Variants in KAZN observed in about 807,000 individuals in gnomAD.
The protein encoded by KAZN is kazrin, periplakin interacting protein.
A neutral mutation model predicts 87.4 loss-of-function variants in KAZN; 40 were observed. That is an observed-to-expected ratio of 0.46 (90% CI 0.36 to 0.60). The LOEUF (loss-of-function observed/expected upper bound fraction) is 0.60. KAZN is among the 20% of genes least tolerant of loss of function. The pLI is 0.00. For synonymous variants in KAZN, 466 were observed against 458.3 expected, an observed-to-expected ratio of 1.02 and a Z score of -0.22; for missense variants, 898 against 1,073.9, an observed-to-expected ratio of 0.84 and a Z score of 2.29.
At chr1:14,487,092 G>A (rs933088333) in intron 2 of KAZN, among the ~76,000 whole-genome samples, 10 of 152,094 alleles carry the variant, frequency 6.6e-5, no homozygotes, top group African/African-American at 2.4e-4. Context: ...TTCCTGGCAC[G>A]TTAGGACACT....
intron 1 of KAZN, among the ~76,000 whole-genome samples, chr1:14,813,531 C>T (rs1426931644): frequency 8.5e-5 from 13 of 152,186 alleles, no homozygotes; most frequent in African/African-American, 1.9e-4. Flanking sequence ...TTCCCATTTG[C>T]GACCCCTCGG....
chr1:14,835,569 C>T (rs1647208756), intron 1 of KAZN, among the ~76,000 whole-genome samples: 1 of 152,132 alleles, frequency 6.6e-6, no homozygotes, highest in Non-Finnish European at 1.5e-5. Context: ...CGGGAGGAAA[C>T]TGAAGCGCGG....
chr1:14,537,022 C>T (rs145383690), intron 2 of KAZN, among the ~76,000 whole-genome samples: 170 of 152,334 alleles, frequency 1.1e-3, no homozygotes, highest in Non-Finnish European at 2.0e-3. Context: ...TGGCACCTGA[C>T]TTGTTCTGTG....
At chr1:14,036,367 T>A (rs1384233915) in intron 1 of KAZN, among the ~76,000 whole-genome samples, 7 of 152,170 alleles carry the variant, frequency 4.6e-5, no homozygotes, top group Non-Finnish European at 1.0e-4. Context: ...AATGCCTCAG[T>A]GAGGGGAATG....
chr1:15,007,068 AAAAAAAAAAGAAAAAC>A (rs2102054036), intron 2 of KAZN, among the ~76,000 whole-genome samples: 2 of 150,978 alleles, frequency 1.3e-5, no homozygotes, highest in African/African-American at 2.4e-5. Flanking sequence ...AAAAAAAAAA[AAAAAAAAAAGAAAAAC>A]AGAAAATTCC....
intron 1 of KAZN, among the ~76,000 whole-genome samples, chr1:14,799,799 A>G (rs1048071553): frequency 2.6e-5 from 4 of 152,192 alleles, no homozygotes; most frequent in African/African-American, 7.2e-5. Flanking sequence ...AATTTAATGT[A>G]CAATTTAGTT....
rs145720693 is a variant in KAZN, at chr1:14,109,223, T to C, written c.92-71212T>C. ...TGAGGTCATGAGAGTCAGCCAGGTG[T>C]TCCTAGTCCATTCTTTGTATGTTGC... On this transcript the variant is annotated intron_variant, in intron 1 of 16. Coordinates refer to the KAZN transcript ENST00000636203. Among the ~76,000 whole-genome samples the C allele has an allele frequency of 9.2e-5, 14 of 152,312 alleles. 1 individual carries two copies. The highest frequency in any genetic ancestry group is 3.4e-4 in the African/African-American group (14 of 41,570).
intron 1 of KAZN, among the ~76,000 whole-genome samples, chr1:14,036,529 T>A (rs928433220): frequency 3.9e-5 from 6 of 152,000 alleles, no homozygotes; most frequent in African/African-American, 1.4e-4. Flanking sequence ...AATAGGCACA[T>A]TGGCTTGTCC....
In KAZN at chr1:14,936,243, G is replaced by T. The variant is rs1054844122; in HGVS notation, c.227-24441G>T. Among the ~76,000 whole-genome samples the T allele has an allele frequency of 3.4e-4, 52 of 152,214 alleles. 1 individual carries two copies. Among genetic ancestry groups the T allele is most frequent in the Admixed American group, 3.4e-3 (52 of 15,278 alleles). On this transcript the variant is annotated intron_variant, in intron 1 of 14. Transcript: ENST00000376030. ...ATAGTGTCAGCCTGGCCTAGCTCAC[G>T]GATCTGTGGTTGCTTTACGAGAGCC... is the stretch of plus-strand genomic sequence containing the variant.
intron 1 of KAZN, among the ~76,000 whole-genome samples, chr1:14,050,817 C>G (rs1389067295): frequency 6.6e-6 from 1 of 152,184 alleles, no homozygotes; most frequent in Non-Finnish European, 1.5e-5. Context: ...GAGAGCTTCC[C>G]TCTAACCTCA....
chr1:14,115,681 G>A (rs1047158855), intron 1 of KAZN, among the ~76,000 whole-genome samples: 10 of 152,276 alleles, frequency 6.6e-5, no homozygotes, highest in South Asian at 2.1e-4. Flanking sequence ...AAAAATACCC[G>A]AAAATGCGGA....
At chr1:15,068,071 C>A in intron 8 of KAZN, 1 of 887,322 alleles carries the variant, frequency 1.1e-6, no homozygotes, top group Non-Finnish European at 1.3e-6. Flanking sequence ...ATAACCTTTC[C>A]CGTGGGAAAG....
chr1:14,698,925 C>T (rs1228316818), intron 1 of KAZN, among the ~76,000 whole-genome samples: 3 of 152,228 alleles, frequency 2.0e-5, no homozygotes, highest in Admixed American at 2.0e-4. Context: ...TTAGCTGGCT[C>T]CTGGGAGAGC....
At chr1:14,678,222 G>A (rs1640351718) in intron 1 of KAZN, among the ~76,000 whole-genome samples, 1 of 152,194 alleles carries the variant, frequency 6.6e-6, no homozygotes. Flanking sequence ...TAGCCAATCA[G>A]CTGCCAGCGC....
chr1:14,227,850 T>C (rs138110209), intron 2 of KAZN, among the ~76,000 whole-genome samples: 6 of 152,338 alleles, frequency 3.9e-5, no homozygotes. Flanking sequence ...CAGTATGTTA[T>C]GTATGTATGT....
intron 11 of KAZN, 66 bp from the exon 12 acceptor site, chr1:15,103,293 C>T (rs2100718404): frequency 8.4e-7 from 1 of 1,191,032 alleles, no homozygotes; most frequent in Non-Finnish European, 1.2e-6. Context: ...GCGGGGCACC[C>T]CCACTCCACA....
chr1:14,061,801 G>T (rs1282083715), intron 1 of KAZN, among the ~76,000 whole-genome samples: 2 of 152,190 alleles, frequency 1.3e-5, no homozygotes, highest in Non-Finnish European at 2.9e-5. Context: ...TTGCCTTTTA[G>T]ATATATCACA....
intron 2 of KAZN, among the ~76,000 whole-genome samples, chr1:14,399,533 C>T (rs571398416): frequency 2.0e-5 from 3 of 152,080 alleles, no homozygotes; most frequent in Non-Finnish European, 4.4e-5. Context: ...AGCAGCCAGC[C>T]ACCCATTAGG....
At chr1:14,192,001 G>A (rs1177891774) in intron 2 of KAZN, among the ~76,000 whole-genome samples, 1 of 152,136 alleles carries the variant, frequency 6.6e-6, no homozygotes, top group Non-Finnish European at 1.5e-5. Context: ...CAGAACCTAG[G>A]CCACCTTGGG....
Sources: gnomAD v4.1 joint callset for allele counts (sites outside exome capture counted in the v4.1 genomes callset) on GRCh38, gnomAD v4.1.1 for gene constraint, MANE v1.5 for transcripts, NCBI Gene and HGNC (gene_info 2026-07-23, HGNC 2026-07-21) for gene names.